CSMD1: variants seen among roughly 807,000 people sequenced by gnomAD.
The protein encoded by CSMD1 is CUB and Sushi multiple domains 1.
CSMD1 carries 213 observed loss-of-function variants against 417.5 expected under a neutral mutation model. The ratio of observed to expected loss-of-function variants is 0.51; its 90% CI spans 0.46 to 0.57. CSMD1 has a LOEUF of 0.57. CSMD1 is among the 20% of genes least tolerant of loss of function. The pLI is 0.00. For missense variants in CSMD1, 6,923 were observed against 4,529.7 expected (o/e 1.53, Z -15.17); for synonymous variants, 2,862 against 1,736.8 (o/e 1.65, Z -16.11).
intron 6 of CSMD1, among the ~76,000 whole-genome samples, chr8:3,718,249 T>A (rs1801952871): frequency 6.6e-6 from 1 of 152,238 alleles, no homozygotes; most frequent in African/African-American, 2.4e-5. Flanking sequence ...AAGGTTATTT[T>A]GACTGCAGCT....
chr8:4,631,665 A>G (rs1802523395), intron 2 of CSMD1, among the ~76,000 whole-genome samples: 1 of 152,226 alleles, frequency 6.6e-6, no homozygotes, highest in Admixed American at 6.5e-5. Context: ...TAATGCATTC[A>G]AAAGCATTAT....
chr8:3,666,335 G>A (rs919527910), intron 7 of CSMD1, among the ~76,000 whole-genome samples: 1 of 152,194 alleles, frequency 6.6e-6, no homozygotes, highest in Admixed American at 6.5e-5. Context: ...CAACTTAAAT[G>A]ATATAAACGC....
chr8:4,514,170 GC>G (rs1282100155), intron 2 of CSMD1, among the ~76,000 whole-genome samples: 1 of 152,118 alleles, frequency 6.6e-6, no homozygotes, highest in African/African-American at 2.4e-5. Flanking sequence ...TTCCTGGCTT[GC>G]AAAATGCCAC....
chr8:3,708,822 G>A (rs1801328502), intron 6 of CSMD1, among the ~76,000 whole-genome samples: 1 of 152,170 alleles, frequency 6.6e-6, no homozygotes, highest in East Asian at 1.9e-4. Context: ...TGTTCAGGCA[G>A]ATCACTCACT....
At chr8:4,630,187 A>T (rs904717587) in intron 2 of CSMD1, among the ~76,000 whole-genome samples, 5 of 151,994 alleles carry the variant, frequency 3.3e-5, no homozygotes, top group African/African-American at 1.2e-4. Context: ...TCTCTCTTAC[A>T]TGTTTTCTTA....
intron 21 of CSMD1, among the ~76,000 whole-genome samples, chr8:3,351,198 G>A (rs75317286): frequency 0.01 from 1,564 of 152,250 alleles, 25 homozygotes; most frequent in Middle Eastern, 0.037. Context: ...GAATATACAT[G>A]ACCAAAACAC....
At chr8:3,052,440 G>C in intron 50 of CSMD1, 22 bp downstream of exon 50, 8 of 1,545,982 alleles carry the variant, frequency 5.2e-6, no homozygotes, top group Non-Finnish European at 6.1e-6. Context: ...ACAAAGATGG[G>C]CAGATGCCCC....
intron 3 of CSMD1, among the ~76,000 whole-genome samples, chr8:4,037,042 G>A (rs1039756063): frequency 6.6e-6 from 1 of 151,574 alleles, no homozygotes; most frequent in African/African-American, 2.4e-5. Context: ...GTGACCACCT[G>A]GCACCCGGAG....
intron 10 of CSMD1, among the ~76,000 whole-genome samples, chr8:3,533,525 T>C (rs1376751100): frequency 6.6e-6 from 1 of 152,162 alleles, no homozygotes; most frequent in South Asian, 2.1e-4. Context: ...ATCATGTGAT[T>C]CAAAGACATC....
intron 10 of CSMD1, among the ~76,000 whole-genome samples, chr8:3,544,447 G>A (rs373586016): frequency 2.6e-5 from 4 of 151,990 alleles, no homozygotes; most frequent in Admixed American, 1.3e-4. Context: ...TCTTACTCTC[G>A]GGAACGCCTT....
intron 5 of CSMD1, among the ~76,000 whole-genome samples, chr8:3,963,265 C>T (rs1034102442): frequency 3.3e-5 from 5 of 152,194 alleles, no homozygotes; most frequent in East Asian, 1.9e-4. Context: ...GTAATAATTA[C>T]GAGTTTGAGG....
intron 1 of CSMD1, among the ~76,000 whole-genome samples, chr8:4,709,575 G>A (rs1030493563): frequency 6.6e-6 from 1 of 152,184 alleles, no homozygotes; most frequent in African/African-American, 2.4e-5. Context: ...CCGTGGATGG[G>A]AAATTCAATT....
chr8:4,518,588 G>A (rs547769091), intron 2 of CSMD1, among the ~76,000 whole-genome samples: 248 of 144,108 alleles, frequency 1.7e-3, no homozygotes, highest in Non-Finnish European at 2.2e-3. Flanking sequence ...GACACAGGAA[G>A]GGGAACATCA....
intron 17 of CSMD1, among the ~76,000 whole-genome samples, chr8:3,391,708 G>C (rs532907865): frequency 2.6e-5 from 4 of 152,210 alleles, no homozygotes; most frequent in African/African-American, 9.6e-5. Context: ...GCTGTTTACA[G>C]TAGCTCACAT....
intron 1 of CSMD1, among the ~76,000 whole-genome samples, chr8:4,918,209 G>A (rs1453533963): frequency 2.6e-5 from 4 of 152,242 alleles, no homozygotes; most frequent in African/African-American, 9.6e-5. Context: ...AGGGGATGAT[G>A]CTGATCGAGG....
intron 3 of CSMD1, among the ~76,000 whole-genome samples, chr8:4,163,037 G>T (rs914678971): frequency 6.6e-6 from 1 of 152,118 alleles, no homozygotes; most frequent in African/African-American, 2.4e-5. Context: ...GTGCACTTCA[G>T]TTCACTCTAT....
At chr8:4,253,974 T>C (rs1803266017) in intron 3 of CSMD1, among the ~76,000 whole-genome samples, 1 of 130,320 alleles carries the variant, frequency 7.7e-6, no homozygotes, top group South Asian at 2.5e-4. Flanking sequence ...TGGAGTGCAG[T>C]GGTGCGATCT....
chr8:4,590,118 C>A (rs1265859183), intron 2 of CSMD1, among the ~76,000 whole-genome samples: 1 of 151,672 alleles, frequency 6.6e-6, no homozygotes, highest in Non-Finnish European at 1.5e-5. Context: ...TTTAGAATAA[C>A]ATGCAATTTT....
intron 1 of CSMD1, among the ~76,000 whole-genome samples, chr8:4,959,194 C>A (rs1809318325): frequency 6.6e-6 from 1 of 152,186 alleles, no homozygotes; most frequent in South Asian, 2.1e-4. Flanking sequence ...CAAGTACGTT[C>A]TGTTCAACGT....
Sources: allele counts gnomAD v4.1 joint callset (sites outside exome capture counted in the v4.1 genomes callset), GRCh38; gene constraint gnomAD v4.1.1; transcripts MANE v1.5; gene names NCBI Gene and HGNC (gene_info 2026-07-23, HGNC 2026-07-21).